The following RBFOX1 variants were observed in gnomAD, a reference collection of about 807,000 sequenced individuals.
RBFOX1 encodes the protein RNA binding protein fox-1 homolog 1.
A neutral mutation model predicts 57.7 loss-of-function variants in RBFOX1; 8 were observed. The observed-to-expected ratio is 0.14, with a 90% CI of 0.08 to 0.25. RBFOX1 has a LOEUF of 0.25. RBFOX1 is among the 10% of genes least tolerant of loss of function. The pLI is 1.00. For synonymous variants in RBFOX1, 326 were observed against 222.4 expected (o/e 1.47, Z -4.15); for missense variants, 611 against 548.5 (o/e 1.11, Z -1.14).
chr16:7,627,597 T>C (rs1045190184), intron 10 of RBFOX1, among the ~76,000 whole-genome samples: 1 of 152,186 alleles, frequency 6.6e-6, no homozygotes, highest in African/African-American at 2.4e-5. Context: ...TGAAGCTATA[T>C]TGAGAAGTGC....
chr16:7,391,765 G>A (rs898127410), intron 4 of RBFOX1, among the ~76,000 whole-genome samples: 1 of 152,138 alleles, frequency 6.6e-6, no homozygotes, highest in Admixed American at 6.5e-5. Flanking sequence ...TTATACAGTA[G>A]GCTTTTAACA....
chr16:6,164,409 A>G (rs1416440347), intron 1 of RBFOX1, among the ~76,000 whole-genome samples: 3 of 151,592 alleles, frequency 2.0e-5, no homozygotes, highest in Non-Finnish European at 2.9e-5. Context: ...TTTCCAAAAT[A>G]TATATATATT....
chr16:7,612,989 T>C lies in RBFOX1; in HGVS notation c.676+5651T>C, dbSNP rs144195943. ...GAGCACCCCGCCTGCAAAGGGAAAT[T>C]GGAATTGAGTTAAATTACTCCATGA... is the stretch of plus-strand genomic sequence containing the variant. On this transcript the variant is annotated intron_variant, in intron 10 of 15. Coordinates refer to ENST00000550418, the MANE Select transcript of RBFOX1 (RefSeq NM_018723.4). Among the ~76,000 whole-genome samples the C allele has an allele frequency of 2.2e-3, 339 of 152,256 alleles. 1 individual carries two copies. Among genetic ancestry groups the C allele is most frequent in the African/African-American group, 7.9e-3 (327 of 41,540 alleles).
chr16:6,903,467 CTCTAGTG>C (rs1287141037), intron 3 of RBFOX1, among the ~76,000 whole-genome samples: 3 of 152,174 alleles, frequency 2.0e-5, no homozygotes, highest in African/African-American at 7.2e-5. Flanking sequence ...TCTTTGAATT[CTCTAGTG>C]TCTAGTGTTC....
At chr16:6,557,064 CATACATATATACATATATACATACAT>C (rs1208797125) in intron 2 of RBFOX1, among the ~76,000 whole-genome samples, 1 of 141,224 alleles carries the variant, frequency 7.1e-6, no homozygotes, top group East Asian at 2.1e-4. Flanking sequence ...TACATATATA[CATACATATATACATATATACATACAT>C]ATACATATAT....
At chr16:6,780,554 TTACATATTTATATATATTTATA>T (rs1394748249) in intron 3 of RBFOX1, among the ~76,000 whole-genome samples, 10 of 125,798 alleles carry the variant, frequency 7.9e-5, no homozygotes, top group African/African-American at 2.9e-4. Context: ...ACATATATAT[TTACATATTTATATATATTTATA>T]TATATATTTA....
At chr16:5,499,918 C>G (rs1597314771) in intron 2 of RBFOX1, among the ~76,000 whole-genome samples, 1 of 152,172 alleles carries the variant, frequency 6.6e-6, no homozygotes, top group African/African-American at 2.4e-5. Context: ...CTGATGGCCA[C>G]TCAACATTTC....
chr16:7,434,970 C>G (rs1302204311), intron 4 of RBFOX1, among the ~76,000 whole-genome samples: 1 of 152,110 alleles, frequency 6.6e-6, no homozygotes, highest in Non-Finnish European at 1.5e-5. Flanking sequence ...GAACTGTTGA[C>G]CTTCAGTGAT....
intron 1 of RBFOX1, among the ~76,000 whole-genome samples, chr16:5,366,883 C>A (rs1027460761): frequency 1.3e-5 from 2 of 152,166 alleles, no homozygotes; most frequent in Non-Finnish European, 2.9e-5. Flanking sequence ...GAGCTTCACC[C>A]TTTGCTTGGT....
chr16:5,733,053 G>T (rs1312523151), intron 3 of RBFOX1, among the ~76,000 whole-genome samples: 2 of 152,048 alleles, frequency 1.3e-5, no homozygotes, highest in African/African-American at 2.4e-5. Flanking sequence ...CTAAACAGGG[G>T]GTACATCTTA....
At chr16:6,259,228 T>C (rs989702020) in intron 1 of RBFOX1, among the ~76,000 whole-genome samples, 2 of 152,182 alleles carry the variant, frequency 1.3e-5, no homozygotes, top group Non-Finnish European at 2.9e-5. Context: ...CCAGGTCACC[T>C]ACTATCCAGT....
chr16:5,847,874 T>A (rs930232686), intron 3 of RBFOX1, among the ~76,000 whole-genome samples: 2 of 151,808 alleles, frequency 1.3e-5, no homozygotes, highest in Non-Finnish European at 2.9e-5. Context: ...TGTTAGTCAT[T>A]AGCATTGCCA....
chr16:6,696,308 C>G (rs182596384), intron 3 of RBFOX1, among the ~76,000 whole-genome samples: 6 of 151,754 alleles, frequency 4.0e-5, no homozygotes, highest in East Asian at 4.1e-4. Flanking sequence ...ATATCTCTGA[C>G]TTTTTCTTAG....
intron 1 of RBFOX1, among the ~76,000 whole-genome samples, chr16:6,223,269 T>C (rs2097390016): frequency 6.6e-6 from 1 of 151,432 alleles, no homozygotes; most frequent in Admixed American, 6.6e-5. Context: ...CCCTGAGGAA[T>C]CGCCACACTG....
intron 3 of RBFOX1, among the ~76,000 whole-genome samples, chr16:5,772,462 C>T (rs570479977): frequency 2.0e-5 from 3 of 152,172 alleles, no homozygotes; most frequent in Non-Finnish European, 4.4e-5. Flanking sequence ...CTTCTGCACT[C>T]TTGAGTTTAT....
chr16:6,301,307 G>A (rs1317281083), intron 1 of RBFOX1, among the ~76,000 whole-genome samples: 1 of 152,200 alleles, frequency 6.6e-6, no homozygotes, highest in Non-Finnish European at 1.5e-5. Context: ...ACTATGGCTA[G>A]AAATTAAGTG....
chr16:7,078,717 C>G (rs1489856345), intron 4 of RBFOX1, among the ~76,000 whole-genome samples: 1 of 148,840 alleles, frequency 6.7e-6, no homozygotes, highest in Non-Finnish European at 1.5e-5. Flanking sequence ...GGCTCTCGCT[C>G]TGTCACCCAG....
At chr16:5,297,022 C>G (rs762840763) in intron 1 of RBFOX1, among the ~76,000 whole-genome samples, 1 of 152,098 alleles carries the variant, frequency 6.6e-6, no homozygotes, top group Non-Finnish European at 1.5e-5. Context: ...GGTTATTTGT[C>G]TTTCTGAGCT....
At chr16:5,878,768 TGTG>T (rs895256623) in intron 4 of RBFOX1, among the ~76,000 whole-genome samples, 1 of 152,102 alleles carries the variant, frequency 6.6e-6, no homozygotes, top group African/African-American at 2.4e-5. Context: ...TGTGAAATGG[TGTG>T]GTGTTTAGAT....
Sources: allele counts gnomAD v4.1 joint callset (sites outside exome capture counted in the v4.1 genomes callset), GRCh38; gene constraint gnomAD v4.1.1; transcripts MANE v1.5; gene names NCBI Gene and HGNC (gene_info 2026-07-23, HGNC 2026-07-21).